The following METTL14 variants were observed in gnomAD, a reference collection of about 807,000 sequenced individuals.
METTL14 encodes methyltransferase 14, N6-adenosine-methyltransferase non-catalytic subunit.
METTL14 carries 32 observed loss-of-function variants against 62.4 expected under a neutral mutation model. That is an observed-to-expected ratio of 0.51 (90% CI 0.39 to 0.69). METTL14 has a LOEUF of 0.69. Ranked by LOEUF, METTL14 falls within the 30% of genes least tolerant of loss-of-function variation. METTL14 has a pLI of 0.00. For missense variants in METTL14, 340 were observed against 551.9 expected, an observed-to-expected ratio of 0.62 and a Z score of 3.85; for synonymous variants, 150 against 180.0, an observed-to-expected ratio of 0.83 and a Z score of 1.34.
rs1724929164 is a variant in METTL14, at chr4:118,711,802, T to G, written c.*1500T>G. ...AGAACTCTATATGTCAGCATTGACCTGGGAATGAAGTCAGGATAGAGAAAT... is the reference window on the plus strand; with the variant it reads ...AGAACTCTATATGTCAGCATTGACCGGGGAATGAAGTCAGGATAGAGAAAT... On this transcript the variant is annotated 3_prime_UTR_variant, in exon 11 of 11. Transcript: ENST00000388822. The G allele has an allele frequency of 6.6e-6, 1 of 152,204 alleles. No individual in the cohort carries two copies. The highest frequency in any genetic ancestry group is 2.1e-4 in the South Asian group (1 of 4,826). 9.4% of individuals were successfully genotyped at this position (152,204 alleles called of 1,614,324 possible).
chr4:118,695,922 C>T (rs1324683630), intron 6 of METTL14, among the ~76,000 whole-genome samples: 2 of 151,564 alleles, frequency 1.3e-5, no homozygotes, highest in Non-Finnish European at 2.9e-5. Flanking sequence ...CCGTCTTGGC[C>T]AACATGGTGA....
At chr4:118,707,180 A>G (rs1448034559) in intron 10 of METTL14, among the ~76,000 whole-genome samples, 2 of 152,068 alleles carry the variant, frequency 1.3e-5, no homozygotes, top group Admixed American at 1.3e-4. Context: ...TTAATTTTGT[A>G]CTTGTAAACT....
At chr4:118,704,744 A>G (rs1195532452) in intron 9 of METTL14, among the ~76,000 whole-genome samples, 6 of 151,970 alleles carry the variant, frequency 3.9e-5, no homozygotes, top group Non-Finnish European at 5.9e-5. Flanking sequence ...GCTGTTTTTG[A>G]GTTGTATCCT....
chr4:118,698,275 A>T (rs1286980399), intron 7 of METTL14, among the ~76,000 whole-genome samples: 9 of 151,956 alleles, frequency 5.9e-5, no homozygotes, highest in African/African-American at 2.2e-4. Flanking sequence ...CAACATGGTG[A>T]AACCCTATCT....
intron 8 of METTL14, among the ~76,000 whole-genome samples, chr4:118,701,677 A>C (rs62328103): frequency 0.063 from 9,555 of 152,260 alleles, 411 homozygotes; most frequent in Middle Eastern, 0.28. Flanking sequence ...TTATTGGTTG[A>C]CACTTCGTTT....
intron 1 of METTL14, among the ~76,000 whole-genome samples, chr4:118,686,280 C>T (rs1400593371): frequency 6.6e-6 from 1 of 152,224 alleles, no homozygotes; most frequent in Non-Finnish European, 1.5e-5. Context: ...CAAAGCTTGT[C>T]TTCTAAACCA....
chr4:118,689,744 A>G (rs868810022), intron 3 of METTL14, among the ~76,000 whole-genome samples: 1 of 151,202 alleles, frequency 6.6e-6, no homozygotes, highest in Admixed American at 6.6e-5. Context: ...CTGGATTCTA[A>G]GGGATTCTTC....
intron 5 of METTL14, among the ~76,000 whole-genome samples, chr4:118,692,687 A>C (rs1245655949): frequency 6.7e-6 from 1 of 148,932 alleles, no homozygotes; most frequent in African/African-American, 2.5e-5. Context: ...TAATACTTAC[A>C]TACTGTACAA....
intron 3 of METTL14, 115 bp downstream of exon 3, chr4:118,689,572 ATTGTCAGTGGCAT>A: frequency 1.8e-6 from 1 of 559,126 alleles, no homozygotes; most frequent in South Asian, 2.5e-5. Flanking sequence ...TGCTAAAATA[ATTGTCAGTGGCAT>A]ATGTTATCAC....
intron 1 of METTL14, among the ~76,000 whole-genome samples, chr4:118,685,836 A>G (rs1375695492): frequency 6.6e-6 from 1 of 152,128 alleles, no homozygotes; most frequent in African/African-American, 2.4e-5. Context: ...TGCCAGGATT[A>G]GCCTTTAAGC....
chr4:118,695,140 G>A (rs571250588), intron 6 of METTL14, among the ~76,000 whole-genome samples: 13 of 152,056 alleles, frequency 8.5e-5, no homozygotes, highest in South Asian at 8.3e-4. Context: ...CTATTTCTTC[G>A]TTATAGCAAA....
At position 118,713,844 on chromosome 4, in the gene METTL14, C is replaced by G. The variant is rs1001255771; in HGVS notation, c.*3542C>G. 2 of 152,218 alleles carry G rather than the reference C, an allele frequency of 1.3e-5. No individual in the cohort carries two copies. Among genetic ancestry groups the G allele is most frequent in the African/African-American group, 4.8e-5 (2 of 41,460 alleles). 9.4% of individuals were successfully genotyped at this position (152,218 alleles called of 1,614,324 possible). On this transcript the variant is annotated 3_prime_UTR_variant, in exon 11 of 11. Transcript: ENST00000388822. ...CTGGAAATACCACATTGCTTCTGCT[C>G]TCAATAACTCTATCATTTACTCGTA... is the stretch of plus-strand genomic sequence containing the variant.
chr4:118,687,064 G>A (rs186972167), intron 1 of METTL14, among the ~76,000 whole-genome samples: 1 of 152,294 alleles, frequency 6.6e-6, no homozygotes, highest in African/African-American at 2.4e-5. Context: ...AGTTATATAA[G>A]CTGATGCCTA....
intron 6 of METTL14, among the ~76,000 whole-genome samples, chr4:118,696,202 G>A (rs903952034): frequency 6.7e-6 from 1 of 149,814 alleles, no homozygotes; most frequent in Admixed American, 6.7e-5. Flanking sequence ...TGGAGAGGAA[G>A]TCTAAGTATA....
chr4:118,694,636 T>A (rs1724352166), intron 6 of METTL14, 110 bp downstream of exon 6: 2 of 775,438 alleles, frequency 2.6e-6, no homozygotes, highest in Admixed American at 2.5e-5. Context: ...TATGTTAACA[T>A]GCTTTATTAC....
chr4:118,704,084 T>G, intron 9 of METTL14, 33 bp downstream of exon 9: 1 of 1,329,734 alleles, frequency 7.5e-7, no homozygotes, highest in Non-Finnish European at 1.1e-6. Context: ...TTTTTTAATT[T>G]TTGTGATTTT....
At position 118,713,324 on chromosome 4, in the gene METTL14, G is replaced by A. The variant is rs534439089; in HGVS notation, c.*3022G>A. The A allele has an allele frequency of 8.5e-5, 13 of 152,310 alleles. No individual in the cohort carries two copies. The highest frequency in any genetic ancestry group is 3.1e-4 in the African/African-American group (13 of 41,572). 9.4% of individuals were successfully genotyped at this position (152,310 alleles called of 1,614,324 possible). On this transcript the variant is annotated 3_prime_UTR_variant, in exon 11 of 11. Transcript: ENST00000388822. ...CTATATTGTGCATCAGGGTGTCACA[G>A]CTGCTACTAGGAGTTACTCCTTTTC...
intron 10 of METTL14, among the ~76,000 whole-genome samples, chr4:118,706,407 C>T (rs534064887): frequency 2.2e-4 from 34 of 152,298 alleles, no homozygotes; most frequent in African/African-American, 8.2e-4. Flanking sequence ...TTTCTCCATT[C>T]CTTTTCATGG....
At chr4:118,695,463 C>G (rs1045393891) in intron 6 of METTL14, among the ~76,000 whole-genome samples, 1 of 151,998 alleles carries the variant, frequency 6.6e-6, no homozygotes, top group East Asian at 1.9e-4. Context: ...GCAGTAGAAT[C>G]GTTTGAATCT....
Sources: allele counts gnomAD v4.1 joint callset (sites outside exome capture counted in the v4.1 genomes callset), GRCh38; gene constraint gnomAD v4.1.1; transcripts MANE v1.5; gene names NCBI Gene and HGNC (gene_info 2026-07-23, HGNC 2026-07-21).